Variants in TCF12 observed in about 807,000 individuals in gnomAD.
TCF12 encodes transcription factor 12.
TCF12 carries 45 observed loss-of-function variants against 86.0 expected under a neutral mutation model. The observed-to-expected ratio is 0.52, with a 90% CI of 0.41 to 0.67. TCF12 has a LOEUF of 0.67. Ranked by LOEUF, TCF12 falls within the 30% of genes least tolerant of loss-of-function variation. The probability of loss-of-function intolerance (pLI) is 0.00; values close to 1 mark genes in which losing one functional copy is unlikely to be tolerated. For missense variants in TCF12, 881 were observed against 859.9 expected (o/e 1.02, Z -0.31); for synonymous variants, 330 against 299.6 (o/e 1.10, Z -1.05).
At chr15:56,943,497 C>A (rs1461686763) in intron 3 of TCF12, among the ~76,000 whole-genome samples, 1 of 152,158 alleles carries the variant, frequency 6.6e-6, no homozygotes, top group Non-Finnish European at 1.5e-5. Flanking sequence ...GTACAGGGCA[C>A]ACTTTTATAT....
At chr15:57,260,078 G>A (rs2060519999) in intron 16 of TCF12, among the ~76,000 whole-genome samples, 1 of 152,150 alleles carries the variant, frequency 6.6e-6, no homozygotes, top group South Asian at 2.1e-4. Context: ...TTTGCTATGT[G>A]TGCCAGTTAA....
chr15:57,176,750 C>G (rs2055939855), intron 6 of TCF12, among the ~76,000 whole-genome samples: 1 of 152,142 alleles, frequency 6.6e-6, no homozygotes, highest in Non-Finnish European at 1.5e-5. Flanking sequence ...CATGATTAAA[C>G]TTTGTGACTG....
chr15:57,009,274 G>A (rs2064675065), intron 3 of TCF12, among the ~76,000 whole-genome samples: 1 of 151,882 alleles, frequency 6.6e-6, no homozygotes, highest in South Asian at 2.1e-4. Context: ...ATCAAGCCTG[G>A]CTAATTTTGT....
chr15:57,048,323 G>A (rs1014058822), intron 3 of TCF12, among the ~76,000 whole-genome samples: 2 of 152,072 alleles, frequency 1.3e-5, no homozygotes, highest in African/African-American at 2.4e-5. Flanking sequence ...GTGCAGTGGC[G>A]CGATCTCGGC....
At chr15:56,983,951 A>G (rs2063019757) in intron 3 of TCF12, among the ~76,000 whole-genome samples, 2 of 143,904 alleles carry the variant, frequency 1.4e-5, no homozygotes, top group African/African-American at 2.5e-5. Flanking sequence ...GCAGTAAACT[A>G]TGATTGTGCC....
chr15:57,046,823 C>T lies in TCF12; in HGVS notation c.149-16927C>T, dbSNP rs566756054. On this transcript the variant is annotated intron_variant, in intron 3 of 20. Coordinates refer to ENST00000333725, the MANE Select transcript of TCF12 (RefSeq NM_207037.2). Reference sequence around the variant, plus strand: ...ATCTCTCAAGTTTCCTTCACACTATCGATAAATATCTTCCTCTGACTAAAG... The same window carrying T: ...ATCTCTCAAGTTTCCTTCACACTATTGATAAATATCTTCCTCTGACTAAAG... Among the ~76,000 whole-genome samples, 8 of 152,264 alleles carry T rather than the reference C, an allele frequency of 5.3e-5. No homozygotes were observed. In the East Asian group the frequency reaches 7.7e-4, roughly 15 times the overall value.
intron 5 of TCF12, among the ~76,000 whole-genome samples, chr15:57,097,625 A>C (rs1255452566): frequency 2.0e-5 from 3 of 152,178 alleles, no homozygotes; most frequent in Non-Finnish European, 4.4e-5. Context: ...TGTCGAAGGG[A>C]AATAGTATCT....
At chr15:57,074,681 A>G (rs905071797) in intron 4 of TCF12, among the ~76,000 whole-genome samples, 40 of 152,318 alleles carry the variant, frequency 2.6e-4, no homozygotes, top group African/African-American at 9.4e-4. Flanking sequence ...ACTTTTGGAA[A>G]GTTCACTGTA....
chr15:57,179,775 A>G (rs146260104), intron 6 of TCF12, among the ~76,000 whole-genome samples: 109 of 152,230 alleles, frequency 7.2e-4, no homozygotes, highest in African/African-American at 2.5e-3. Flanking sequence ...GTTTTCTTTC[A>G]CTTTGTTTTT....
At chr15:57,127,089 TCTC>T (rs1340870169) in intron 5 of TCF12, among the ~76,000 whole-genome samples, 3 of 151,668 alleles carry the variant, frequency 2.0e-5, no homozygotes, top group Non-Finnish European at 2.9e-5. Flanking sequence ...TTCAAGAAAT[TCTC>T]CTCCCTTAGC....
chr15:57,171,029 T>C (rs572820660), intron 6 of TCF12, among the ~76,000 whole-genome samples: 1 of 150,516 alleles, frequency 6.6e-6, no homozygotes, highest in Admixed American at 6.7e-5. Context: ...CCTCTGTGTA[T>C]GCCAACTCCT....
At chr15:57,027,653 G>A (rs562108233) in intron 3 of TCF12, among the ~76,000 whole-genome samples, 6 of 152,012 alleles carry the variant, frequency 3.9e-5, no homozygotes, top group East Asian at 1.9e-4. Context: ...TAAAGTGATC[G>A]TACCACTTTA....
chr15:56,976,992 A>C (rs1477502728), intron 3 of TCF12, among the ~76,000 whole-genome samples: 2 of 152,196 alleles, frequency 1.3e-5, no homozygotes, highest in African/African-American at 2.4e-5. Flanking sequence ...TCAAGTGCTC[A>C]ATAGCTATAT....
intron 4 of TCF12, among the ~76,000 whole-genome samples, chr15:57,081,273 A>G (rs1024361764): frequency 1.1e-4 from 17 of 152,146 alleles, no homozygotes; most frequent in African/African-American, 2.4e-4. Context: ...CAATAGTTCT[A>G]TCGGGGAGCA....
intron 5 of TCF12, among the ~76,000 whole-genome samples, chr15:57,102,521 C>A (rs1229782226): frequency 6.6e-6 from 1 of 151,836 alleles, no homozygotes; most frequent in East Asian, 1.9e-4. Flanking sequence ...TCACTTGAAC[C>A]CAGGAGGCAG....
intron 5 of TCF12, among the ~76,000 whole-genome samples, chr15:57,164,285 C>T (rs541406050): frequency 1.1e-4 from 17 of 152,060 alleles, no homozygotes; most frequent in Admixed American, 4.6e-4. Context: ...TGTATTAGTT[C>T]GTTCTCACGC....
At chr15:57,119,753 C>A (rs560761321) in intron 5 of TCF12, among the ~76,000 whole-genome samples, 35 of 152,150 alleles carry the variant, frequency 2.3e-4, no homozygotes, top group Middle Eastern at 6.8e-3. Context: ...GGTAAATATT[C>A]GTCATGTGAT....
chr15:57,243,333 C>A (rs2059715077), intron 12 of TCF12, 139 bp from the exon 13 acceptor site: 2 of 636,464 alleles, frequency 3.1e-6, no homozygotes, highest in Non-Finnish European at 2.7e-6. Context: ...ATGAAACAGT[C>A]TAAAACTTGA....
At chr15:57,221,544 G>A (rs1267922803) in intron 8 of TCF12, among the ~76,000 whole-genome samples, 4 of 151,900 alleles carry the variant, frequency 2.6e-5, no homozygotes, top group African/African-American at 9.7e-5. Context: ...ATTGGGAGGG[G>A]GGTAGGGGGA....
Sources: gnomAD v4.1 joint callset for allele counts (sites outside exome capture counted in the v4.1 genomes callset) on GRCh38, gnomAD v4.1.1 for gene constraint, MANE v1.5 for transcripts, NCBI Gene and HGNC (gene_info 2026-07-23, HGNC 2026-07-21) for gene names.